FBXL14: variants seen among roughly 807,000 people sequenced by gnomAD.
FBXL14 encodes F-box/LRR-repeat protein 14.
In FBXL14, 11 loss-of-function variants were observed where a neutral mutation model predicts 24.5. The ratio of observed to expected loss-of-function variants is 0.45; its 90% CI spans 0.28 to 0.74. The LOEUF (loss-of-function observed/expected upper bound fraction) is 0.74. Among genes scored for constraint, FBXL14 ranks in the 30% least tolerant of loss-of-function variants. The pLI is 0.12. For missense variants in FBXL14, 384 were observed against 545.6 expected (o/e 0.70, Z 2.95); for synonymous variants, 294 against 240.4 (o/e 1.22, Z -2.06).
At position 1,582,488 on chromosome 12, in the gene FBXL14, T is replaced by C. The variant is rs75235115; in HGVS notation, c.1194+10385A>G. On this transcript the variant is annotated intron_variant, in intron 1 of 1. Transcript: ENST00000339235. ...TCTTTCCTTTACAACCTGTATTCTCTGTTTGGGGTGCCTTCCCTGAATCTG... is the reference window on the plus strand; with the variant it reads ...TCTTTCCTTTACAACCTGTATTCTCCGTTTGGGGTGCCTTCCCTGAATCTG... 7.2e-3 allele frequency among the ~76,000 whole-genome samples: 1,100 copies of C among 152,300 alleles called. 14 individuals are homozygous for C. The highest frequency in any genetic ancestry group is 0.025 in the African/African-American group (1,058 of 41,554).
chr12:1,574,135 A>G (rs1016935691), intron 1 of FBXL14, among the ~76,000 whole-genome samples: 1 of 152,200 alleles, frequency 6.6e-6, no homozygotes, highest in African/African-American at 2.4e-5. Context: ...TAATGGGGTT[A>G]GGACTTTGTT....
chr12:1,591,387 CTTT>C (rs916562471), intron 1 of FBXL14, among the ~76,000 whole-genome samples: 5 of 138,140 alleles, frequency 3.6e-5, no homozygotes, highest in African/African-American at 1.1e-4. Flanking sequence ...CATATTTCCT[CTTT>C]TATTATATAA....
chr12:1,568,486 G>A (rs1208517585), intron 1 of FBXL14, among the ~76,000 whole-genome samples: 3 of 152,126 alleles, frequency 2.0e-5, no homozygotes, highest in Non-Finnish European at 4.4e-5. Context: ...GAAGGAATAA[G>A]TGAAAGCAAA....
intron 1 of FBXL14, among the ~76,000 whole-genome samples, chr12:1,584,112 A>AGAT (rs1315729227): frequency 6.6e-6 from 1 of 152,134 alleles, no homozygotes; most frequent in Non-Finnish European, 1.5e-5. Flanking sequence ...TGGGAGGCCG[A>AGAT]GATGGGAGGA....
intron 1 of FBXL14, among the ~76,000 whole-genome samples, chr12:1,571,390 T>C (rs1297088203): frequency 2.0e-5 from 3 of 152,166 alleles, no homozygotes; most frequent in Admixed American, 2.0e-4. Flanking sequence ...GTATTTTTAG[T>C]AGAGACGGGG....
At chr12:1,581,742 G>C (rs919286342) in intron 1 of FBXL14, among the ~76,000 whole-genome samples, 1 of 152,196 alleles carries the variant, frequency 6.6e-6, no homozygotes, top group Non-Finnish European at 1.5e-5. Flanking sequence ...CCTCACGCCA[G>C]CCCAGTGGCC....
intron 1 of FBXL14, among the ~76,000 whole-genome samples, chr12:1,588,724 T>C (rs1166796079): frequency 6.6e-6 from 1 of 152,174 alleles, no homozygotes; most frequent in African/African-American, 2.4e-5. Context: ...TACACGAAGT[T>C]TACATTATGT....
In FBXL14 at chr12:1,593,322, G is replaced by C. The variant is rs192581158; in HGVS notation, c.745C>G (p.Leu249Val). The C allele has an allele frequency of 6.2e-7, 1 of 1,613,536 alleles. No individual in the cohort carries two copies. Among genetic ancestry groups the C allele is most frequent in the South Asian group, 1.1e-5 (1 of 91,088 alleles). ...CTGCGCAGGCTGCCCATGTGCGACA[G>C]GTGCAGGAGGCCAGCGTCCGAGATT... ...GGISDAGLLH[L>V]SHMGSLRSLN... is the part of the protein sequence containing the mutation. Residue 249 changes from leucine to valine, a missense_variant, in exon 1 of 2, where the codon CTG (leucine) becomes GTG (valine). Coordinates refer to ENST00000339235, the MANE Select transcript of FBXL14 (RefSeq NM_152441.3). The surrounding 1 kb of genome is among the most constrained non-coding windows in gnomAD (Gnocchi z 7.4).
Position 1,594,366 on chromosome 12 carries a change from C to CCGG in FBXL14, c.-303_-301dup, listed in dbSNP as rs1220081019. On this transcript the variant is annotated 5_prime_UTR_variant, in exon 1 of 2. Coordinates refer to ENST00000339235, the MANE Select transcript of FBXL14 (RefSeq NM_152441.3). ...GGCGCCTCGCTCTCGCTCCCGGAGG[C>CCGG]CGGCCGCCGCCGCCGCCTCGGCTCT... 1.0e-4 allele frequency among the ~76,000 whole-genome samples: 15 copies of CCGG among 143,820 alleles called. No individual in the cohort carries two copies. The highest frequency in any genetic ancestry group is 3.5e-4 in the African/African-American group (14 of 40,032). 94.4% of individuals were successfully genotyped at this position (143,820 alleles called of 152,430 possible). A position where few individuals can be genotyped will look rare whatever the true frequency, so the allele number is the denominator to read the frequency against.
In FBXL14 at chr12:1,594,142, G is replaced by C; in HGVS notation, c.-76C>G. 8.3e-7 allele frequency: 1 copy of C among 1,208,454 alleles called. No individual in the cohort carries two copies. The allele number at this position is 1,208,454 out of a possible 1,614,324, so 74.9% of individuals were successfully genotyped here. On this transcript the variant is annotated 5_prime_UTR_variant, in exon 1 of 2. Coordinates refer to ENST00000339235, the MANE Select transcript of FBXL14 (RefSeq NM_152441.3). Reference sequence around the variant, plus strand: ...CGCTCCGGCCTCGGGCAGGCGACGAGAGCGCTTCTCCCCAGCCGCCGCCGC... The same window carrying C: ...CGCTCCGGCCTCGGGCAGGCGACGACAGCGCTTCTCCCCAGCCGCCGCCGC...
Position 1,566,899 on chromosome 12 carries a change from C to T in FBXL14, c.1195-89G>A, listed in dbSNP as rs562254112. 1.0e-4 allele frequency: 73 copies of T among 721,818 alleles called. No homozygotes were observed. The Middle Eastern group carries it at 7.7e-3, about 76-fold the overall frequency. The allele number at this position is 721,818 out of a possible 1,614,324, so 44.7% of individuals were successfully genotyped here. A position where few individuals can be genotyped will look rare whatever the true frequency, so the allele number is the denominator to read the frequency against. ...GAGGTCGCCTCCCCTAACCCCACCGCGGCTTTATCAGCGCCTAACTGACCT... is the reference window on the plus strand; with the variant it reads ...GAGGTCGCCTCCCCTAACCCCACCGTGGCTTTATCAGCGCCTAACTGACCT... On this transcript the variant is annotated intron_variant, in intron 1 of 1. Coordinates refer to ENST00000339235, the MANE Select transcript of FBXL14 (RefSeq NM_152441.3).
intron 1 of FBXL14, among the ~76,000 whole-genome samples, chr12:1,572,965 T>G (rs1254124689): frequency 6.6e-6 from 1 of 152,180 alleles, no homozygotes; most frequent in East Asian, 1.9e-4. Flanking sequence ...ATTCATAACT[T>G]CCAGGCTGAT....
chr12:1,587,598 A>T (rs370042938), intron 1 of FBXL14: 1 of 152,266 alleles, frequency 6.6e-6, no homozygotes, highest in African/African-American at 2.4e-5. Flanking sequence ...CCAATTGTCT[A>T]GAAATTCCAT....
chr12:1,586,530 C>T (rs35444259), intron 1 of FBXL14, among the ~76,000 whole-genome samples: 3,503 of 152,196 alleles, frequency 0.023, 68 homozygotes, highest in Middle Eastern at 0.082. Flanking sequence ...TGAAGAGAGA[C>T]AGGGTGGTGC....
chr12:1,571,195 GTT>G lies in FBXL14; in HGVS notation c.1195-4387_1195-4386del, dbSNP rs201436877. ...AAAACAGTTTCTTTTTTCTGGTGGG[GTT>G]TTTTTTGTTTGTTTGTTTTGTTTTT... On this transcript the variant is annotated intron_variant, in intron 1 of 1. Coordinates refer to ENST00000339235, the MANE Select transcript of FBXL14 (RefSeq NM_152441.3). Among the ~76,000 whole-genome samples the G allele has an allele frequency of 5.1e-5, 7 of 136,032 alleles. 1 individual carries two copies. Among genetic ancestry groups the G allele is most frequent in the South Asian group, 5.5e-4 (2 of 3,638 alleles). 89.2% of individuals were successfully genotyped at this position (136,032 alleles called of 152,430 possible). A position where few individuals can be genotyped will look rare whatever the true frequency, so the allele number is the denominator to read the frequency against.
At chr12:1,592,567 T>G (rs1380163779) in intron 1 of FBXL14, among the ~76,000 whole-genome samples, 1 of 152,084 alleles carries the variant, frequency 6.6e-6, no homozygotes, top group East Asian at 1.9e-4. Context: ...ATACAGTAGC[T>G]GAATCAGTCC....
chr12:1,591,263 T>TA (rs1006519874), intron 1 of FBXL14, among the ~76,000 whole-genome samples: 12 of 151,566 alleles, frequency 7.9e-5, no homozygotes, highest in Non-Finnish European at 8.8e-5. Context: ...TGCGTCCTCT[T>TA]AGAGTATACA....
intron 1 of FBXL14, among the ~76,000 whole-genome samples, chr12:1,568,309 A>G (rs999838915): frequency 6.6e-6 from 1 of 152,218 alleles, no homozygotes; most frequent in African/African-American, 2.4e-5. Flanking sequence ...TGAACCCTGC[A>G]CAATTATCCT....
At chr12:1,587,767 G>A (rs1481915584) in intron 1 of FBXL14, among the ~76,000 whole-genome samples, 1 of 152,152 alleles carries the variant, frequency 6.6e-6, no homozygotes, top group Non-Finnish European at 1.5e-5. Context: ...TTAACCAAGT[G>A]CATTGACAGA....
Sources: allele counts gnomAD v4.1 joint callset (sites outside exome capture counted in the v4.1 genomes callset), GRCh38; gene constraint gnomAD v4.1.1; non-coding constraint Gnocchi (gnomAD v3.1); transcripts MANE v1.5; gene names NCBI Gene and HGNC (gene_info 2026-07-23, HGNC 2026-07-21).